The following CLSTN2 variants were observed in gnomAD, a reference collection of about 807,000 sequenced individuals.
The protein encoded by CLSTN2 is calsyntenin-2.
CLSTN2 carries 48 observed loss-of-function variants against 101.2 expected under a neutral mutation model. The ratio of observed to expected loss-of-function variants is 0.47; its 90% confidence interval spans 0.38 to 0.60. CLSTN2 has a LOEUF of 0.60. Among genes scored for constraint, CLSTN2 ranks in the 20% least tolerant of loss-of-function variants. The pLI is 0.00. For missense variants in CLSTN2, 1,160 were observed against 1,238.2 expected (o/e 0.94, Z 0.95); for synonymous variants, 481 against 463.6 (o/e 1.04, Z -0.48).
At chr3:140,564,536 T>C (rs914218596) in intron 16 of CLSTN2, among the ~76,000 whole-genome samples, 3 of 152,188 alleles carry the variant, frequency 2.0e-5, no homozygotes, top group Non-Finnish European at 2.9e-5. Flanking sequence ...ATGGCTTTGC[T>C]CTACACTGCC....
At chr3:140,527,931 G>A (rs755163949) in intron 8 of CLSTN2, among the ~76,000 whole-genome samples, 20 of 152,162 alleles carry the variant, frequency 1.3e-4, no homozygotes, top group Non-Finnish European at 2.5e-4. Flanking sequence ...GGGAGGGAAA[G>A]AGAGGGGAAT....
At chr3:140,311,769 C>T (rs2087170782) in intron 2 of CLSTN2, among the ~76,000 whole-genome samples, 1 of 152,096 alleles carries the variant, frequency 6.6e-6, no homozygotes, top group Non-Finnish European at 1.5e-5. Flanking sequence ...GACAAAATTG[C>T]CCCAGTCCCA....
At chr3:140,221,835 G>A (rs1576472346) in intron 2 of CLSTN2, among the ~76,000 whole-genome samples, 1 of 152,284 alleles carries the variant, frequency 6.6e-6, no homozygotes, top group East Asian at 1.9e-4. Flanking sequence ...AAGCAAGGAT[G>A]TGGAGAAAAG....
intron 1 of CLSTN2, among the ~76,000 whole-genome samples, chr3:140,086,530 G>A (rs1008628943): frequency 5.9e-5 from 9 of 152,162 alleles, no homozygotes; most frequent in Non-Finnish European, 1.0e-4. Context: ...TAAGTGCAAC[G>A]TAAGTATTTG....
chr3:140,533,790 C>T (rs186351188), intron 9 of CLSTN2, among the ~76,000 whole-genome samples: 1 of 151,878 alleles, frequency 6.6e-6, no homozygotes, highest in East Asian at 1.9e-4. Flanking sequence ...ACACATGCCC[C>T]TGTAGGTTGG....
At chr3:140,005,016 T>G (rs2006925279) in intron 1 of CLSTN2, among the ~76,000 whole-genome samples, 1 of 152,120 alleles carries the variant, frequency 6.6e-6, no homozygotes, top group African/African-American at 2.4e-5. Flanking sequence ...CCTATGGCCA[T>G]TGTAGAAGGA....
intron 2 of CLSTN2, among the ~76,000 whole-genome samples, chr3:140,377,548 G>A (rs1437472466): frequency 6.6e-6 from 1 of 152,064 alleles, no homozygotes; most frequent in Admixed American, 6.6e-5. Flanking sequence ...GCTAATGTGT[G>A]TGTTCATGTC....
At chr3:140,515,583 T>A (rs1394465612) in intron 8 of CLSTN2, among the ~76,000 whole-genome samples, 1 of 152,192 alleles carries the variant, frequency 6.6e-6, no homozygotes, top group Non-Finnish European at 1.5e-5. Flanking sequence ...TATAATTCAA[T>A]TCAAAATTTT....
At chr3:140,262,856 C>A (rs979065893) in intron 2 of CLSTN2, among the ~76,000 whole-genome samples, 16 of 151,856 alleles carry the variant, frequency 1.1e-4, no homozygotes, top group African/African-American at 3.9e-4. Context: ...AGAAGTATGG[C>A]AAAGAAAATG....
At chr3:140,141,953 T>C (rs1343669557) in intron 1 of CLSTN2, among the ~76,000 whole-genome samples, 1 of 152,156 alleles carries the variant, frequency 6.6e-6, no homozygotes, top group African/African-American at 2.4e-5. Context: ...ACTTGTCTCG[T>C]CCAATTAATA....
intron 1 of CLSTN2, among the ~76,000 whole-genome samples, chr3:140,135,113 CACACATATATATATATATATATAT>C (rs1336069682): frequency 0.012 from 637 of 52,076 alleles, 7 homozygotes; most frequent in African/African-American, 0.067. Flanking sequence ...CACACACACA[CACACATATATATATATATATATAT>C]ATATATATAT....
At chr3:140,170,557 G>T (rs1268976695) in intron 1 of CLSTN2, among the ~76,000 whole-genome samples, 1 of 152,204 alleles carries the variant, frequency 6.6e-6, no homozygotes. Flanking sequence ...ATTAGTAAAT[G>T]TATGGATGTC....
chr3:140,428,055 C>T (rs1340970047), intron 5 of CLSTN2, among the ~76,000 whole-genome samples: 1 of 152,124 alleles, frequency 6.6e-6, no homozygotes. Flanking sequence ...GTGGGCCCAG[C>T]CAGAGATTGA....
intron 10 of CLSTN2, among the ~76,000 whole-genome samples, chr3:140,553,904 T>C (rs1481297150): frequency 6.6e-6 from 1 of 152,072 alleles, no homozygotes; most frequent in African/African-American, 2.4e-5. Flanking sequence ...AGCGCTTCAC[T>C]AAAAAGACAA....
chr3:140,479,501 T>C (rs1934066377), intron 8 of CLSTN2, among the ~76,000 whole-genome samples: 1 of 152,074 alleles, frequency 6.6e-6, no homozygotes, highest in Non-Finnish European at 1.5e-5. Flanking sequence ...CAGAGTAAAA[T>C]CATTCAAGAG....
intron 2 of CLSTN2, among the ~76,000 whole-genome samples, chr3:140,260,158 T>TATATATATATATATATA (rs1559821944): frequency 8.2e-5 from 12 of 146,792 alleles, no homozygotes; most frequent in African/African-American, 3.0e-4. Flanking sequence ...ATATATATAT[T>TATATATATATATATATA]ATATATAAAA....
At chr3:140,468,967 G>A (rs578711) in intron 8 of CLSTN2, among the ~76,000 whole-genome samples, 1 of 151,560 alleles carries the variant, frequency 6.6e-6, no homozygotes, top group Non-Finnish European at 1.5e-5. Context: ...GTTAAAGGTG[G>A]TAGGAAGTAC....
chr3:140,409,604 C>T (rs150626479), intron 4 of CLSTN2, among the ~76,000 whole-genome samples: 223 of 152,246 alleles, frequency 1.5e-3, no homozygotes, highest in African/African-American at 5.1e-3. Flanking sequence ...ATTATTTCTT[C>T]AAATGCTCAG....
chr3:140,335,789 C>T (rs1363432449), intron 2 of CLSTN2, among the ~76,000 whole-genome samples: 1 of 152,172 alleles, frequency 6.6e-6, no homozygotes, highest in African/African-American at 2.4e-5. Context: ...GAGCCATGGG[C>T]TTAAGGAAGT....
Sources: allele counts gnomAD v4.1 joint callset (sites outside exome capture counted in the v4.1 genomes callset), GRCh38; gene constraint gnomAD v4.1.1; transcripts MANE v1.5; gene names NCBI Gene and HGNC (gene_info 2026-07-23, HGNC 2026-07-21).